NEGR1: variants seen among roughly 807,000 people sequenced by gnomAD.
The protein encoded by NEGR1 is IgLON family member 4.
In NEGR1, 10 loss-of-function variants were observed where a neutral mutation model predicts 40.9. The ratio of observed to expected loss-of-function variants is 0.24; its 90% CI spans 0.15 to 0.42. The LOEUF (loss-of-function observed/expected upper bound fraction) is 0.42, where lower values mean the gene tolerates loss of function less well. NEGR1 is among the 10% of genes least tolerant of loss of function. The pLI, the probability that NEGR1 is intolerant of heterozygous loss-of-function variation, is 1.00. For missense variants in NEGR1, 352 were observed against 438.9 expected (o/e 0.80, Z 1.77); for synonymous variants, 185 against 166.8 (o/e 1.11, Z -0.84).
intron 1 of NEGR1, among the ~76,000 whole-genome samples, chr1:72,145,271 A>C (rs1650863860): frequency 6.6e-6 from 1 of 152,126 alleles, no homozygotes; most frequent in South Asian, 2.1e-4. Context: ...GCATCCTCAG[A>C]GTCAACTATC....
At chr1:72,012,540 T>G (rs187411948) in intron 1 of NEGR1, among the ~76,000 whole-genome samples, 1 of 152,048 alleles carries the variant, frequency 6.6e-6, no homozygotes, top group Admixed American at 6.6e-5. Context: ...TTGGACATCA[T>G]CCAATCAAGT....
intron 2 of NEGR1, among the ~76,000 whole-genome samples, chr1:71,911,048 A>C (rs1661409922): frequency 6.6e-6 from 1 of 152,162 alleles, no homozygotes; most frequent in South Asian, 2.1e-4. Context: ...AAAAAAATAA[A>C]AGAGCTTGAG....
chr1:71,601,938 G>T (rs551391244), intron 5 of NEGR1, among the ~76,000 whole-genome samples: 7 of 152,156 alleles, frequency 4.6e-5, no homozygotes, highest in African/African-American at 1.7e-4. Flanking sequence ...CCTTGCACAT[G>T]TACCTGCTGA....
At chr1:71,746,070 C>A (rs980352223) in intron 3 of NEGR1, among the ~76,000 whole-genome samples, 2 of 152,114 alleles carry the variant, frequency 1.3e-5, no homozygotes, top group Admixed American at 1.3e-4. Context: ...ATTGAACCTA[C>A]GCATAAAAAT....
rs142798801 is a variant in NEGR1, at chr1:71,506,001, C to T, written c.940+86816G>A. Among the ~76,000 whole-genome samples, 681 of 152,080 alleles carry T rather than the reference C, an allele frequency of 4.5e-3. 5 individuals are homozygous for T. The highest frequency in any genetic ancestry group is 0.016 in the African/African-American group (658 of 41,474). On this transcript the variant is annotated intron_variant, in intron 6 of 6. Transcript: ENST00000357731. Reference sequence around the variant, plus strand: ...AAAAAAAAGTTAAATATTTAGGATGCCTGATTAGTGAAGGGAAGCAGAGAA... The same window carrying T: ...AAAAAAAAGTTAAATATTTAGGATGTCTGATTAGTGAAGGGAAGCAGAGAA...
chr1:72,189,498 G>C (rs556572126), intron 1 of NEGR1, among the ~76,000 whole-genome samples: 9 of 151,556 alleles, frequency 5.9e-5, no homozygotes, highest in Non-Finnish European at 8.9e-5. Context: ...TCCCAAAATT[G>C]TGTTGTCTCT....
At chr1:71,580,993 C>T (rs940348785) in intron 6 of NEGR1, among the ~76,000 whole-genome samples, 1 of 152,112 alleles carries the variant, frequency 6.6e-6, no homozygotes, top group African/African-American at 2.4e-5. Flanking sequence ...AAATTGAATT[C>T]TATAAGTTTA....
intron 6 of NEGR1, among the ~76,000 whole-genome samples, chr1:71,543,529 C>A (rs913743165): frequency 6.6e-6 from 1 of 151,654 alleles, no homozygotes; most frequent in African/African-American, 2.4e-5. Context: ...TATTTAGTTA[C>A]AAAATGATTC....
At chr1:72,213,023 A>G (rs1653667228) in intron 1 of NEGR1, among the ~76,000 whole-genome samples, 1 of 151,850 alleles carries the variant, frequency 6.6e-6, no homozygotes, top group Non-Finnish European at 1.5e-5. Flanking sequence ...GAAGCAGTGG[A>G]GGGAGGGTAT....
chr1:72,161,581 C>A (rs960673764), intron 1 of NEGR1, among the ~76,000 whole-genome samples: 1 of 151,824 alleles, frequency 6.6e-6, no homozygotes, highest in African/African-American at 2.4e-5. Context: ...TGTTGTGAAA[C>A]CCTACCCTAG....
chr1:71,611,234 C>T (rs1330521161), intron 4 of NEGR1, 88 bp from the exon 5 acceptor site: 1 of 1,266,430 alleles, frequency 7.9e-7, no homozygotes, highest in Non-Finnish European at 1.1e-6. Context: ...TTTATTCCTT[C>T]TATATTCAAA....
intron 2 of NEGR1, among the ~76,000 whole-genome samples, chr1:71,841,566 T>G (rs1044568906): frequency 1.3e-5 from 2 of 152,126 alleles, no homozygotes; most frequent in Non-Finnish European, 2.9e-5. Flanking sequence ...AAATACACTG[T>G]CATGTCAGTA....
In NEGR1 at chr1:71,675,126, T is replaced by TATATATATATATACAC. The variant is rs145354058; in HGVS notation, c.667+22881_667+22882insGTGTATATATATATAT. Among the ~76,000 whole-genome samples the TATATATATATATACAC allele has an allele frequency of 3.2e-3, 250 of 77,812 alleles. 5 individuals are homozygous for TATATATATATATACAC. Among genetic ancestry groups the TATATATATATATACAC allele is most frequent in the Middle Eastern group, 0.011 (1 of 92 alleles). The allele number at this position is 77,812 out of a possible 152,430, so 51.0% of individuals were successfully genotyped here. ...GCATGTTTATTCATATATATATATA[T>TATATATATATATACAC]ACACACACACATATGAATTCTTAGA... On this transcript the variant is annotated intron_variant, in intron 4 of 6. Transcript: ENST00000357731.
intron 6 of NEGR1, among the ~76,000 whole-genome samples, chr1:71,447,396 A>G (rs1022308165): frequency 2.6e-5 from 4 of 152,246 alleles, no homozygotes; most frequent in African/African-American, 9.6e-5. Flanking sequence ...TTTCCAGATC[A>G]AAATATTCCA....
intron 6 of NEGR1, among the ~76,000 whole-genome samples, chr1:71,530,858 C>CT (rs148155630): frequency 0.04 from 6,098 of 151,250 alleles, 404 homozygotes; most frequent in African/African-American, 0.14. Context: ...CATTAGTAAA[C>CT]TTTTTCCATA....
At chr1:72,016,153 C>T (rs760980730) in intron 1 of NEGR1, among the ~76,000 whole-genome samples, 2 of 151,822 alleles carry the variant, frequency 1.3e-5, no homozygotes, top group Admixed American at 6.6e-5. Context: ...TTTAGAGAAG[C>T]AATAACCTAA....
intron 6 of NEGR1, among the ~76,000 whole-genome samples, chr1:71,554,960 C>T (rs1385807004): frequency 1.3e-5 from 2 of 151,568 alleles, no homozygotes; most frequent in East Asian, 2.0e-4. Context: ...CCCCAAAATA[C>T]TCAACGGTCT....
chr1:71,983,447 A>T (rs757991615), intron 1 of NEGR1, among the ~76,000 whole-genome samples: 7 of 152,158 alleles, frequency 4.6e-5, no homozygotes, highest in Non-Finnish European at 1.0e-4. Flanking sequence ...TTTTTCTGAC[A>T]GAATTTACTC....
intron 1 of NEGR1, among the ~76,000 whole-genome samples, chr1:72,110,635 C>T (rs1649324637): frequency 6.6e-6 from 1 of 151,120 alleles, no homozygotes; most frequent in African/African-American, 2.4e-5. Flanking sequence ...TGTAATTAAC[C>T]CTTAATTACT....
Sources: gnomAD v4.1 joint callset for allele counts (sites outside exome capture counted in the v4.1 genomes callset) on GRCh38, gnomAD v4.1.1 for gene constraint, MANE v1.5 for transcripts, NCBI Gene and HGNC (gene_info 2026-07-23, HGNC 2026-07-21) for gene names.